Variants in MYO10 observed in about 807,000 individuals in gnomAD.
MYO10 encodes the protein unconventional myosin-X.
In MYO10, 133 loss-of-function variants were observed where a neutral mutation model predicts 257.3. That is an observed-to-expected ratio of 0.52 (90% confidence interval 0.45 to 0.60). The LOEUF (loss-of-function observed/expected upper bound fraction) is 0.60. Ranked by LOEUF, MYO10 falls within the 20% of genes least tolerant of loss-of-function variation. The probability of loss-of-function intolerance (pLI) is 0.00; values close to 1 mark genes in which losing one functional copy is unlikely to be tolerated. For synonymous variants in MYO10, 1,104 were observed against 1,028.6 expected (o/e 1.07, Z -1.40); for missense variants, 2,399 against 2,635.7 (o/e 0.91, Z 1.97).
chr5:16,744,065 CAA>C (rs1395290353), intron 19 of MYO10, among the ~76,000 whole-genome samples: 1 of 151,964 alleles, frequency 6.6e-6, no homozygotes, highest in Non-Finnish European at 1.5e-5. Context: ...GTGACAATGC[CAA>C]AGACTAAAGG....
Position 16,663,836 on chromosome 5 carries a change from A to G in MYO10, c.*2856T>C, listed in dbSNP as rs569725556. On this transcript the variant is annotated 3_prime_UTR_variant, in exon 41 of 41. Coordinates refer to ENST00000513610, the MANE Select transcript of MYO10 (RefSeq NM_012334.3). The stretch of plus-strand genomic sequence containing the variant: ...AAAGATGTGTGCAGGTTCTATGCAA[A>G]TATTATACCACTGTATAGCAGGGAC... 97 of 139,192 alleles carry G rather than the reference A, an allele frequency of 7.0e-4. No individual in the cohort carries two copies. The highest frequency in any genetic ancestry group is 2.5e-3 in the African/African-American group (93 of 37,082). The allele number at this position is 139,192 out of a possible 1,614,324, so 8.6% of individuals were successfully genotyped here.
At chr5:16,920,439 C>T (rs957822431) in intron 1 of MYO10, among the ~76,000 whole-genome samples, 8 of 152,276 alleles carry the variant, frequency 5.3e-5, no homozygotes, top group South Asian at 2.1e-4. Context: ...TGATCGATTC[C>T]ATTTATACAA....
At chr5:16,815,523 C>T in intron 3 of MYO10, 1 of 680,574 alleles carries the variant, frequency 1.5e-6, no homozygotes, top group Non-Finnish European at 2.6e-6. Flanking sequence ...TTATCAACTA[C>T]AAGACTTTGT....
At position 16,893,647 on chromosome 5, in the gene MYO10, A is replaced by AAAAG. The variant is rs1554006846; in HGVS notation, c.22-15941_22-15940insCTTT. ...AGACTCTGTCTCAAAAAAAAAAAAAAAAAAAGAAAATTATTTCCCTCCTAC... is the reference window on the plus strand; with the variant it reads ...AGACTCTGTCTCAAAAAAAAAAAAAAAAAGAAAAAGAAAATTATTTCCCTCCTAC... On this transcript the variant is annotated intron_variant, in intron 1 of 40. Coordinates refer to ENST00000513610, the MANE Select transcript of MYO10 (RefSeq NM_012334.3). 3.6e-3 allele frequency among the ~76,000 whole-genome samples: 531 copies of AAAAG among 148,972 alleles called. 7 individuals carry two copies. The highest frequency in any genetic ancestry group is 0.013 in the African/African-American group (511 of 39,224).
At chr5:16,915,289 A>T (rs1263543161) in intron 1 of MYO10, among the ~76,000 whole-genome samples, 1 of 152,226 alleles carries the variant, frequency 6.6e-6, no homozygotes, top group Non-Finnish European at 1.5e-5. Context: ...CATGAGATTA[A>T]CAACAGTTCC....
chr5:16,683,519 G>A (rs1218072231), intron 30 of MYO10, among the ~76,000 whole-genome samples: 4 of 152,186 alleles, frequency 2.6e-5, no homozygotes, highest in South Asian at 2.1e-4. Flanking sequence ...AGTTCAGAAA[G>A]GAGAATGACT....
At chr5:16,846,485 G>A (rs936254868) in intron 2 of MYO10, among the ~76,000 whole-genome samples, 1 of 152,292 alleles carries the variant, frequency 6.6e-6, no homozygotes, top group Non-Finnish European at 1.5e-5. Flanking sequence ...CCAGATTTTG[G>A]TCACCATGAA....
At chr5:16,882,147 C>A (rs1256775552) in intron 1 of MYO10, among the ~76,000 whole-genome samples, 2 of 152,164 alleles carry the variant, frequency 1.3e-5, no homozygotes, top group Non-Finnish European at 2.9e-5. Flanking sequence ...AAATTCCTAT[C>A]CCCCTTTGAA....
intron 2 of MYO10, among the ~76,000 whole-genome samples, chr5:16,865,400 G>A (rs576042293): frequency 1.8e-4 from 27 of 152,262 alleles, no homozygotes; most frequent in Middle Eastern, 3.4e-3. Flanking sequence ...TCCATTCCTA[G>A]AATCTGGGGC....
At chr5:16,758,006 G>C in intron 18 of MYO10, 112 bp downstream of exon 18, 2 of 840,262 alleles carry the variant, frequency 2.4e-6, no homozygotes, top group South Asian at 3.2e-5. Context: ...GATATAAAAG[G>C]AAACAAAAAT....
chr5:16,694,003 T>G (rs1737621997), intron 27 of MYO10, among the ~76,000 whole-genome samples: 1 of 152,224 alleles, frequency 6.6e-6, no homozygotes, highest in Non-Finnish European at 1.5e-5. Context: ...ATTTATCTGC[T>G]GGCAACAGCT....
At chr5:16,894,662 T>G (rs937326862) in intron 1 of MYO10, among the ~76,000 whole-genome samples, 2 of 152,108 alleles carry the variant, frequency 1.3e-5, no homozygotes, top group African/African-American at 2.4e-5. Flanking sequence ...GCGCAAAGAT[T>G]AGTAAGGGAC....
Position 16,727,660 on chromosome 5 carries a change from C to T in MYO10, c.1930-16415G>A, listed in dbSNP as rs76305427. 8.3e-3 allele frequency among the ~76,000 whole-genome samples: 1,265 copies of T among 152,250 alleles called. 24 individuals are homozygous for T. The highest frequency in any genetic ancestry group is 0.029 in the African/African-American group (1,192 of 41,550). ...CAAACAACATATAACTAACTACTTT[C>T]CCTAACAAATTTATATTTAGTTTTC... is the stretch of plus-strand genomic sequence containing the variant. On this transcript the variant is annotated intron_variant, in intron 19 of 40. Transcript: ENST00000513610.
chr5:16,802,381 G>A (rs1016584081), intron 3 of MYO10, among the ~76,000 whole-genome samples: 1 of 151,934 alleles, frequency 6.6e-6, no homozygotes, highest in South Asian at 2.1e-4. Flanking sequence ...AATAGGAGCC[G>A]GGTGCAGTGG....
At chr5:16,711,953 G>A (rs1044714953) in intron 19 of MYO10, among the ~76,000 whole-genome samples, 3 of 151,848 alleles carry the variant, frequency 2.0e-5, no homozygotes, top group Non-Finnish European at 1.5e-5. Flanking sequence ...TATCATAAAT[G>A]TACCACCACT....
chr5:16,757,029 G>A (rs58093186), intron 18 of MYO10, among the ~76,000 whole-genome samples: 13,908 of 149,516 alleles, frequency 0.093, 1,477 homozygotes, highest in African/African-American at 0.24. Flanking sequence ...TGAGGCAGAA[G>A]AATCTCTTGA....
chr5:16,905,809 G>A (rs991542360), intron 1 of MYO10, among the ~76,000 whole-genome samples: 2 of 152,110 alleles, frequency 1.3e-5, no homozygotes, highest in Non-Finnish European at 1.5e-5. Context: ...GGTGGGTAGC[G>A]TCTTCACACA....
intron 40 of MYO10, among the ~76,000 whole-genome samples, chr5:16,667,397 C>T (rs899354121): frequency 2.6e-5 from 4 of 152,178 alleles, no homozygotes; most frequent in African/African-American, 7.2e-5. Context: ...CCTGTGCAGG[C>T]ATCATAACCG....
At chr5:16,789,846 G>GT (rs1052821302) in intron 4 of MYO10, among the ~76,000 whole-genome samples, 3 of 152,112 alleles carry the variant, frequency 2.0e-5, no homozygotes, top group African/African-American at 7.2e-5. Flanking sequence ...CAAATCCTAT[G>GT]TTTGTTGCCA....
Sources: gnomAD v4.1 joint callset for allele counts (sites outside exome capture counted in the v4.1 genomes callset) on GRCh38, gnomAD v4.1.1 for gene constraint, MANE v1.5 for transcripts, NCBI Gene and HGNC (gene_info 2026-07-23, HGNC 2026-07-21) for gene names.